Variants in ADGRL3 observed in about 807,000 individuals in gnomAD.
ADGRL3 encodes the protein adhesion G protein-coupled receptor L3.
In ADGRL3, 62 loss-of-function variants were observed where a neutral mutation model predicts 153.5. The ratio of observed to expected loss-of-function variants is 0.40; its 90% confidence interval spans 0.33 to 0.50. ADGRL3 has a LOEUF of 0.50. ADGRL3 is among the 20% of genes least tolerant of loss of function. The pLI, the probability that ADGRL3 is intolerant of heterozygous loss-of-function variation, is 0.47. For missense variants in ADGRL3, 1,641 were observed against 1,859.4 expected (o/e 0.88, Z 2.16); for synonymous variants, 710 against 672.5 (o/e 1.06, Z -0.86).
intron 22 of ADGRL3, 44 bp downstream of exon 22, chr4:62,028,925 G>T: frequency 6.4e-7 from 1 of 1,562,720 alleles, no homozygotes. Flanking sequence ...TTATCAGTGT[G>T]GTCCCATGAA....
chr4:61,266,246 G>T (rs891161798), intron 1 of ADGRL3, among the ~76,000 whole-genome samples: 6 of 151,328 alleles, frequency 4.0e-5, no homozygotes, highest in Non-Finnish European at 5.9e-5. Context: ...CACTGGCCTT[G>T]GTTCTCCATT....
intron 8 of ADGRL3, among the ~76,000 whole-genome samples, chr4:61,761,164 G>T (rs967140787): frequency 2.0e-5 from 3 of 152,102 alleles, no homozygotes; most frequent in Non-Finnish European, 1.5e-5. Flanking sequence ...GTTTAGGGAG[G>T]GTCAGAATCT....
At chr4:61,371,116 A>G (rs1485089425) in intron 1 of ADGRL3, among the ~76,000 whole-genome samples, 1 of 149,676 alleles carries the variant, frequency 6.7e-6, no homozygotes. Context: ...TTTTGAGCCT[A>G]TGTGTGTCTC....
At chr4:61,371,868 C>G (rs1353932957) in intron 1 of ADGRL3, among the ~76,000 whole-genome samples, 2 of 152,140 alleles carry the variant, frequency 1.3e-5, no homozygotes, top group African/African-American at 4.8e-5. Context: ...TCAGGTACAC[C>G]AAGCAGATGT....
At chr4:61,821,666 T>A (rs1391495221) in intron 9 of ADGRL3, among the ~76,000 whole-genome samples, 1 of 152,190 alleles carries the variant, frequency 6.6e-6, no homozygotes, top group African/African-American at 2.4e-5. Flanking sequence ...GAGACAAAGC[T>A]AATTTTTCAC....
intron 5 of ADGRL3, among the ~76,000 whole-genome samples, chr4:61,649,464 T>G (rs2094168198): frequency 6.6e-6 from 1 of 152,184 alleles, no homozygotes. Context: ...TAGGTGGAAC[T>G]TTGCTCTTTT....
At chr4:61,681,232 AC>A (rs1475508834) in intron 6 of ADGRL3, among the ~76,000 whole-genome samples, 2 of 152,126 alleles carry the variant, frequency 1.3e-5, no homozygotes, top group African/African-American at 4.8e-5. Flanking sequence ...CAATAAAACA[AC>A]TAACCACCTA....
intron 25 of ADGRL3, among the ~76,000 whole-genome samples, chr4:62,053,760 C>T (rs1014453807): frequency 6.6e-6 from 1 of 151,516 alleles, no homozygotes; most frequent in African/African-American, 2.4e-5. Flanking sequence ...TTTGTTCAGA[C>T]ACACTTTTCA....
chr4:61,578,203 T>G (rs2149244309), intron 4 of ADGRL3, among the ~76,000 whole-genome samples: 1 of 152,192 alleles, frequency 6.6e-6, no homozygotes, highest in Non-Finnish European at 1.5e-5. Context: ...CAAGGAGAGT[T>G]ATTGCATCTT....
chr4:61,417,829 T>C (rs756015333), intron 2 of ADGRL3, among the ~76,000 whole-genome samples: 8 of 152,080 alleles, frequency 5.3e-5, no homozygotes, highest in Non-Finnish European at 1.0e-4. Context: ...GGGGTTAACC[T>C]TTGACTGCAG....
At chr4:61,578,531 A>G (rs2098905531) in intron 4 of ADGRL3, among the ~76,000 whole-genome samples, 1 of 152,032 alleles carries the variant, frequency 6.6e-6, no homozygotes, top group Non-Finnish European at 1.5e-5. Flanking sequence ...TTATGTCATT[A>G]TATTATATCA....
intron 1 of ADGRL3, among the ~76,000 whole-genome samples, chr4:61,256,052 A>T (rs1303031124): frequency 6.6e-6 from 1 of 152,212 alleles, no homozygotes; most frequent in Admixed American, 6.5e-5. Context: ...CTTTCAAAAA[A>T]TATGGTCTTT....
At chr4:61,526,891 T>A in intron 4 of ADGRL3, among the ~76,000 whole-genome samples, 1 of 152,270 alleles carries the variant, frequency 6.6e-6, no homozygotes, top group East Asian at 1.9e-4. Context: ...AATATAAATA[T>A]ATTTTCAAAT....
At chr4:61,526,521 T>C (rs1289189026) in intron 4 of ADGRL3, among the ~76,000 whole-genome samples, 3 of 152,050 alleles carry the variant, frequency 2.0e-5, no homozygotes, top group East Asian at 3.9e-4. Flanking sequence ...TTCATGCCTA[T>C]AATCTTAACA....
chr4:61,372,698 C>T (rs776655807), intron 1 of ADGRL3, among the ~76,000 whole-genome samples: 109 of 152,134 alleles, frequency 7.2e-4, no homozygotes, highest in Non-Finnish European at 8.5e-4. Context: ...CTGTGCCCTG[C>T]CCCCAGAGGT....
Position 61,353,410 on chromosome 4 carries a change from C to T in ADGRL3, c.-239-29714C>T, listed in dbSNP as rs146517099. The stretch of plus-strand genomic sequence containing the variant: ...TTAATTTTATGTTAACAGTTGTTTC[C>T]ATGGAATACATGTTTTAAAAGCCCA... On this transcript the variant is annotated intron_variant, in intron 1 of 26. Coordinates refer to ENST00000683033, the MANE Select transcript of ADGRL3 (RefSeq NM_001387552.1). Among the ~76,000 whole-genome samples the T allele has an allele frequency of 8.0e-3, 1,218 of 151,800 alleles. 17 individuals carry two copies. The highest frequency in any genetic ancestry group is 0.059 in the South Asian group (284 of 4,804).
At chr4:61,763,179 T>C (rs1320148011) in intron 8 of ADGRL3, among the ~76,000 whole-genome samples, 1 of 151,534 alleles carries the variant, frequency 6.6e-6, no homozygotes, top group Non-Finnish European at 1.5e-5. Context: ...TTTTAACCGT[T>C]AGTAACATTT....
chr4:61,445,371 T>C (rs1320779186), intron 2 of ADGRL3, among the ~76,000 whole-genome samples: 1 of 152,200 alleles, frequency 6.6e-6, no homozygotes, highest in Non-Finnish European at 1.5e-5. Flanking sequence ...CCATTTATGA[T>C]GTTAGAACTC....
At chr4:62,033,096 A>T (rs1041318981) in intron 23 of ADGRL3, among the ~76,000 whole-genome samples, 1 of 151,760 alleles carries the variant, frequency 6.6e-6, no homozygotes, top group Non-Finnish European at 1.5e-5. Context: ...TCATTGCCCA[A>T]TGGATGGGGT....
Sources: gnomAD v4.1 joint callset for allele counts (sites outside exome capture counted in the v4.1 genomes callset) on GRCh38, gnomAD v4.1.1 for gene constraint, MANE v1.5 for transcripts, NCBI Gene and HGNC (gene_info 2026-07-23, HGNC 2026-07-21) for gene names.